Variants in DOCK1 observed in about 807,000 individuals in gnomAD.
DOCK1 encodes dedicator of cytokinesis 1.
In DOCK1, 138 loss-of-function variants were observed where a neutral mutation model predicts 262.7. The observed-to-expected ratio is 0.53, with a 90% CI of 0.46 to 0.61. The LOEUF is 0.61. Among genes scored for constraint, DOCK1 ranks in the 20% least tolerant of loss-of-function variants. The pLI, the probability that DOCK1 is intolerant of heterozygous loss-of-function variation, is 0.00. For synonymous variants in DOCK1, 866 were observed against 867.4 expected, an observed-to-expected ratio of 1.00 and a Z score of 0.03; for missense variants, 1,908 against 2,370.7, an observed-to-expected ratio of 0.80 and a Z score of 4.05.
intron 1 of DOCK1, among the ~76,000 whole-genome samples, chr10:126,946,091 T>C (rs2035378304): frequency 6.6e-6 from 1 of 152,194 alleles, no homozygotes; most frequent in South Asian, 2.1e-4. Context: ...ATTACATTAA[T>C]TTTTTAAATT....
chr10:127,418,583 C>G, intron 45 of DOCK1, 42 bp downstream of exon 45: 2 of 1,564,984 alleles, frequency 1.3e-6, no homozygotes, highest in Non-Finnish European at 1.7e-6. Flanking sequence ...CAGTCCTGCC[C>G]GGGGACAGAC....
At chr10:127,398,872 G>A (rs1211737278) in intron 38 of DOCK1, among the ~76,000 whole-genome samples, 1 of 152,166 alleles carries the variant, frequency 6.6e-6, no homozygotes, top group African/African-American at 2.4e-5. Flanking sequence ...CATCCTATCA[G>A]AATTGTCAAC....
chr10:127,170,117 T>G (rs569871043), intron 27 of DOCK1, among the ~76,000 whole-genome samples: 2 of 151,978 alleles, frequency 1.3e-5, no homozygotes, highest in East Asian at 3.9e-4. Flanking sequence ...ACTGCCCCCA[T>G]GATGGGGTGG....
At chr10:127,426,707 C>T (rs528855349) in intron 47 of DOCK1, among the ~76,000 whole-genome samples, 22 of 152,168 alleles carry the variant, frequency 1.4e-4, no homozygotes, top group African/African-American at 4.6e-4. Flanking sequence ...AAATTCAGAG[C>T]GGAGATGGAA....
intron 15 of DOCK1, 24 bp from the exon 16 acceptor site, chr10:127,026,328 A>C: frequency 1.3e-6 from 2 of 1,553,416 alleles, no homozygotes; most frequent in Non-Finnish European, 1.7e-6. Flanking sequence ...AACAGTGCTT[A>C]AACTTCTTTT....
intron 31 of DOCK1, among the ~76,000 whole-genome samples, chr10:127,353,156 C>T (rs1314811096): frequency 6.6e-6 from 1 of 152,156 alleles, no homozygotes; most frequent in Non-Finnish European, 1.5e-5. Context: ...AGAACCTCAC[C>T]AACCTCAGAG....
At position 126,970,693 on chromosome 10, in the gene DOCK1, T is replaced by A. The variant is rs2038037466; in HGVS notation, c.47-9T>A. On this transcript the variant is annotated splice_polypyrimidine_tract_variant and intron_variant, in intron 1 of 51. Transcript: ENST00000623213. Reference sequence around the variant, plus strand: ...TATTACTAATATATTTCCCCTTTTTTCATCACAGCTTTTTATAACTATGAT... The same window carrying A: ...TATTACTAATATATTTCCCCTTTTTACATCACAGCTTTTTATAACTATGAT... 2.5e-6 allele frequency: 4 copies of A among 1,603,274 alleles called. No individual in the cohort carries two copies. Among genetic ancestry groups the A allele is most frequent in the Non-Finnish European group, 3.4e-6 (4 of 1,170,482 alleles).
Position 127,012,346 on chromosome 10 carries a change from T to A in DOCK1, c.1173T>A (p.Ala391=). 1 of 1,614,054 alleles carries A rather than the reference T, an allele frequency of 6.2e-7. No homozygotes were observed. Among genetic ancestry groups the A allele is most frequent in the Non-Finnish European group, 8.5e-7 (1 of 1,179,886 alleles). Residue 391 remains alanine (A), a synonymous_variant, in exon 12 of 52, where the codon GCT becomes GCA. Transcript: ENST00000623213. This position sits in a 1 kb window ranked among gnomAD's most constrained non-coding sequence, Gnocchi z 4.0. ...AGACTGTTATAAACAAAGTCATCGC[T>A]GCCAAAGAAGTCAACCACAAGGGGC... ...FLQTVINKVI[A]AKEVNHKGQG... is the part of the protein sequence containing the mutation.
chr10:126,910,737 G>A (rs570575480), intron 1 of DOCK1, among the ~76,000 whole-genome samples: 5 of 152,146 alleles, frequency 3.3e-5, no homozygotes, highest in South Asian at 2.1e-4. Context: ...CTCCCTCCAC[G>A]CCTTTCTCCC....
intron 27 of DOCK1, chr10:127,153,725 A>G (rs1051449413): frequency 2.8e-5 from 20 of 710,330 alleles, no homozygotes; most frequent in African/African-American, 7.1e-5. Context: ...ATTACAGTCA[A>G]GTAAGGTCCT....
At chr10:127,185,725 T>C (rs1235954892) in intron 27 of DOCK1, among the ~76,000 whole-genome samples, 1 of 152,192 alleles carries the variant, frequency 6.6e-6, no homozygotes, top group Non-Finnish European at 1.5e-5. Flanking sequence ...GGTAAAACCA[T>C]ATCCAGAGAT....
intron 7 of DOCK1, chr10:126,997,887 C>T: frequency 1.7e-6 from 1 of 584,224 alleles, no homozygotes; most frequent in Non-Finnish European, 3.0e-6. Context: ...CTCAGCACAG[C>T]AGTTGCACAG....
At chr10:127,095,739 G>A (rs1461596236) in intron 23 of DOCK1, among the ~76,000 whole-genome samples, 1 of 152,090 alleles carries the variant, frequency 6.6e-6, no homozygotes, top group East Asian at 1.9e-4. Context: ...GTCCTGCACA[G>A]TGAAGACAGT....
In DOCK1 at chr10:127,384,842, C is replaced by A; in HGVS notation, c.3860C>A (p.Ala1287Asp). Residue 1287 changes from alanine (A) to aspartate (D), a missense_variant, in exon 38 of 52, where the codon GCC becomes GAC. This residue lies in a region of DOCK1 where 267 missense variants were observed against 366.3 expected (regional missense o/e 0.73). Coordinates refer to ENST00000623213, the MANE Select transcript of DOCK1 (RefSeq NM_001290223.2). ...CTCACCCAGCGGGACGGGTACCAGG[C>A]CACCACGCAGGGACAGCTGAAGGAG... ...AHLTQRDGYQ[A>D]TTQGQLKEQL... The A allele has an allele frequency of 1.9e-6, 3 of 1,609,566 alleles. No homozygotes were observed. Among genetic ancestry groups the A allele is most frequent in the Non-Finnish European group, 2.5e-6 (3 of 1,178,646 alleles).
rs149945172 is a variant in DOCK1, at chr10:127,076,329, G to A, written c.2445+14553G>A. 2.1e-3 allele frequency among the ~76,000 whole-genome samples: 327 copies of A among 152,222 alleles called. 1 individual carries two copies. Among genetic ancestry groups the A allele is most frequent in the African/African-American group, 6.6e-3 (275 of 41,528 alleles). On this transcript the variant is annotated intron_variant, in intron 23 of 51. Transcript: ENST00000623213. The stretch of plus-strand genomic sequence containing the variant: ...ATCCTGGCTAACACGGTGAAACCCC[G>A]TCTCTACTAAAAATACAAAAAATTA...
chr10:127,230,166 T>C (rs1456195508), intron 27 of DOCK1, among the ~76,000 whole-genome samples: 2 of 152,228 alleles, frequency 1.3e-5, no homozygotes, highest in African/African-American at 4.8e-5. Context: ...GAGATATTAA[T>C]CCCCTTTCAG....
At chr10:127,448,734 ACTC>A (rs2070758243) in intron 51 of DOCK1, among the ~76,000 whole-genome samples, 1 of 149,076 alleles carries the variant, frequency 6.7e-6, no homozygotes, top group African/African-American at 2.5e-5. Flanking sequence ...TGGCCGCAAA[ACTC>A]CTGTAGAACA....
chr10:126,906,093 C>T (rs1056408928), intron 1 of DOCK1, among the ~76,000 whole-genome samples: 1 of 152,188 alleles, frequency 6.6e-6, no homozygotes, highest in African/African-American at 2.4e-5. Context: ...ACCTGGGTGG[C>T]CAGCGCCCCT....
chr10:127,101,898 G>A (rs2048276344), intron 23 of DOCK1, among the ~76,000 whole-genome samples: 1 of 152,190 alleles, frequency 6.6e-6, no homozygotes, highest in African/African-American at 2.4e-5. Context: ...ATCAGCCTGT[G>A]TGAACGCTGG....
Sources: allele counts gnomAD v4.1 joint callset (sites outside exome capture counted in the v4.1 genomes callset), GRCh38; gene constraint gnomAD v4.1.1; regional missense constraint gnomAD v4.1.1; non-coding constraint Gnocchi (gnomAD v3.1); transcripts MANE v1.5; gene names NCBI Gene and HGNC (gene_info 2026-07-23, HGNC 2026-07-21).